The following CLEC16A variants were observed in gnomAD, a reference collection of about 807,000 sequenced individuals.
The protein encoded by CLEC16A is C-type lectin domain containing 16A.
A neutral mutation model predicts 109.5 loss-of-function variants in CLEC16A; 51 were observed. The observed-to-expected ratio is 0.47, with a 90% CI of 0.37 to 0.59. The LOEUF (loss-of-function observed/expected upper bound fraction) is 0.59. Ranked by LOEUF, CLEC16A falls within the 20% of genes least tolerant of loss-of-function variation. The pLI, the probability that CLEC16A is intolerant of heterozygous loss-of-function variation, is 0.00. For missense variants in CLEC16A, 1,339 were observed against 1,394.0 expected, an observed-to-expected ratio of 0.96 and a Z score of 0.63; for synonymous variants, 673 against 564.2, an observed-to-expected ratio of 1.19 and a Z score of -2.73.
intron 10 of CLEC16A, among the ~76,000 whole-genome samples, chr16:10,985,264 C>T (rs1307877382): frequency 6.7e-6 from 1 of 149,016 alleles, no homozygotes; most frequent in Non-Finnish European, 1.5e-5. Context: ...TGCTGGGTTG[C>T]AAACTGGCCA....
chr16:11,133,317 T>A (rs2053345763), intron 22 of CLEC16A, among the ~76,000 whole-genome samples: 1 of 150,988 alleles, frequency 6.6e-6, no homozygotes, highest in Admixed American at 6.6e-5. Flanking sequence ...CTAGCCTGGG[T>A]GACAGAGTGA....
chr16:11,034,572 C>G (rs924581230), intron 13 of CLEC16A, among the ~76,000 whole-genome samples: 2 of 152,028 alleles, frequency 1.3e-5, no homozygotes, highest in Non-Finnish European at 2.9e-5. Flanking sequence ...GTTGAGAGTT[C>G]CGCCCTCCAC....
intron 11 of CLEC16A, among the ~76,000 whole-genome samples, chr16:11,016,496 C>G (rs2045761871): frequency 6.6e-6 from 1 of 151,848 alleles, no homozygotes; most frequent in South Asian, 2.1e-4. Flanking sequence ...TTACAGGCGC[C>G]CGCCACCACA....
intron 22 of CLEC16A, among the ~76,000 whole-genome samples, chr16:11,157,695 G>A (rs1368951796): frequency 6.6e-6 from 1 of 151,380 alleles, no homozygotes; most frequent in East Asian, 1.9e-4. Flanking sequence ...CCCGGGCAAG[G>A]ACCCAGGCCT....
intron 22 of CLEC16A, among the ~76,000 whole-genome samples, chr16:11,130,216 C>G (rs921896090): frequency 1.3e-5 from 2 of 152,162 alleles, no homozygotes; most frequent in Admixed American, 1.3e-4. Context: ...CTCTGTGCCC[C>G]CACTTAGTAT....
Position 11,019,547 on chromosome 16 carries a change from T to A in CLEC16A, c.1304-646T>A, listed in dbSNP as rs1356908955. On this transcript the variant is annotated intron_variant, in intron 11 of 23. Coordinates refer to ENST00000409790, the MANE Select transcript of CLEC16A (RefSeq NM_015226.3). ...ACTTTGGGAGGCCGAGGTGGGTGGA[T>A]CACCTGAGGTCAGGAATTCGAGACC... is the stretch of plus-strand genomic sequence containing the variant. Among the ~76,000 whole-genome samples the A allele has an allele frequency of 2.0e-5, 3 of 152,318 alleles. No individual in the cohort carries two copies. In the East Asian group the frequency reaches 5.8e-4, roughly 29 times the overall value.
Position 11,086,807 on chromosome 16 carries a change from A to C in CLEC16A, c.2116+25785A>C, listed in dbSNP as rs558285312. Among the ~76,000 whole-genome samples, 7 of 152,288 alleles carry C rather than the reference A, an allele frequency of 4.6e-5. No homozygotes were observed. The East Asian group carries it at 1.4e-3, about 29-fold the overall frequency. Reference sequence around the variant, plus strand: ...ATTGAGAGCCGAGACATTTATGCCCAGTTCCTGCCTTTCCAGAGCCTGGTG... The same window carrying C: ...ATTGAGAGCCGAGACATTTATGCCCCGTTCCTGCCTTTCCAGAGCCTGGTG... On this transcript the variant is annotated intron_variant, in intron 19 of 23. Coordinates refer to ENST00000409790, the MANE Select transcript of CLEC16A (RefSeq NM_015226.3).
chr16:11,105,567 C>G (rs1203495536), intron 19 of CLEC16A, among the ~76,000 whole-genome samples: 1 of 152,196 alleles, frequency 6.6e-6, no homozygotes, highest in Non-Finnish European at 1.5e-5. Flanking sequence ...CCTCATTTTA[C>G]TAGACATGGC....
intron 22 of CLEC16A, among the ~76,000 whole-genome samples, chr16:11,141,189 G>A (rs1339028228): frequency 6.6e-6 from 1 of 152,262 alleles, no homozygotes; most frequent in Non-Finnish European, 1.5e-5. Context: ...ATTCTAGCCA[G>A]TGCTTTTGGG....
intron 10 of CLEC16A, among the ~76,000 whole-genome samples, chr16:10,994,194 G>C (rs1025764291): frequency 3.9e-5 from 6 of 152,166 alleles, no homozygotes; most frequent in Non-Finnish European, 7.4e-5. Context: ...GAAGCGGCCT[G>C]CTACCTTTGC....
At chr16:10,977,181 C>G (rs200117850) in intron 7 of CLEC16A, 44 bp from the exon 8 acceptor site, 11 of 1,586,460 alleles carry the variant, frequency 6.9e-6, no homozygotes, top group Non-Finnish European at 9.4e-6. Flanking sequence ...CTCAAAGGCT[C>G]CTAGTGTTGG....
intron 11 of CLEC16A, among the ~76,000 whole-genome samples, chr16:11,003,943 C>A (rs1270970120): frequency 7.2e-6 from 1 of 139,338 alleles, no homozygotes; most frequent in East Asian, 2.1e-4. Flanking sequence ...AGACCAGCCT[C>A]ACCAACATGA....
intron 9 of CLEC16A, among the ~76,000 whole-genome samples, chr16:10,982,315 C>T (rs1386481981): frequency 6.6e-6 from 1 of 152,130 alleles, no homozygotes. Flanking sequence ...TGATTTTCAG[C>T]CCCGTAGTTC....
At chr16:10,992,293 T>G (rs1276743404) in intron 10 of CLEC16A, among the ~76,000 whole-genome samples, 2 of 134,994 alleles carry the variant, frequency 1.5e-5, no homozygotes, top group Non-Finnish European at 3.3e-5. Flanking sequence ...CTGCATCCCC[T>G]CCCTGCCCAG....
At chr16:11,173,110 T>C (rs1354259686) in intron 23 of CLEC16A, among the ~76,000 whole-genome samples, 1 of 152,120 alleles carries the variant, frequency 6.6e-6, no homozygotes, top group African/African-American at 2.4e-5. Flanking sequence ...GAGAGTCAGA[T>C]GACCTGAAAC....
chr16:10,986,526 C>A (rs1269356543), intron 10 of CLEC16A, among the ~76,000 whole-genome samples: 1 of 152,170 alleles, frequency 6.6e-6, no homozygotes, highest in Admixed American at 6.5e-5. Flanking sequence ...ACTGATACTT[C>A]ATACCCACTG....
At chr16:11,052,243 A>C (rs1205463839) in intron 18 of CLEC16A, among the ~76,000 whole-genome samples, 4 of 152,096 alleles carry the variant, frequency 2.6e-5, no homozygotes, top group Admixed American at 1.3e-4. Context: ...CCCGGGTAAG[A>C]TCAGAGTTTC....
chr16:11,176,727 G>A (rs1440243394), intron 23 of CLEC16A, among the ~76,000 whole-genome samples: 2 of 152,116 alleles, frequency 1.3e-5, no homozygotes, highest in Non-Finnish European at 2.9e-5. Flanking sequence ...GACAGAGTGA[G>A]ACCCTGTCTC....
rs2068928759 is a variant in CLEC16A at position 11,180,683 on chromosome 16, CA to C, written c.*1994del. Reference sequence around the variant, plus strand: ...TTTTGAAATGACTCTGTCTGTGGGGCAGCAGAAACTAGAGAAGGCAAGTGGC... The same window carrying C: ...TTTTGAAATGACTCTGTCTGTGGGGCGCAGAAACTAGAGAAGGCAAGTGGC... On this transcript the variant is annotated 3_prime_UTR_variant, in exon 24 of 24. Coordinates refer to ENST00000409790, the MANE Select transcript of CLEC16A (RefSeq NM_015226.3). 1 of 152,322 alleles carries C rather than the reference CA, an allele frequency of 6.6e-6. No homozygotes were observed. Among genetic ancestry groups the C allele is most frequent in the Admixed American group, 6.5e-5 (1 of 15,284 alleles). 9.4% of individuals were successfully genotyped at this position (152,322 alleles called of 1,614,324 possible).
Sources: allele counts gnomAD v4.1 joint callset (sites outside exome capture counted in the v4.1 genomes callset), GRCh38; gene constraint gnomAD v4.1.1; transcripts MANE v1.5; gene names NCBI Gene and HGNC (gene_info 2026-07-23, HGNC 2026-07-21).